The following EPHA6 variants were observed in gnomAD, a reference collection of about 807,000 sequenced individuals.
EPHA6 encodes the protein ephrin type-A receptor 6.
Under a neutral mutation model 112.0 loss-of-function variants are expected in EPHA6, and 50 were observed. The ratio of observed to expected loss-of-function variants is 0.45; its 90% CI spans 0.36 to 0.56. The LOEUF (loss-of-function observed/expected upper bound fraction) is 0.56. Among genes scored for constraint, EPHA6 ranks in the 20% least tolerant of loss-of-function variants. The pLI is 0.00. For missense variants in EPHA6, 1,280 were observed against 1,417.4 expected, an observed-to-expected ratio of 0.90 and a Z score of 1.56; for synonymous variants, 529 against 490.7, an observed-to-expected ratio of 1.08 and a Z score of -1.03.
intron 4 of EPHA6, among the ~76,000 whole-genome samples, chr3:97,240,772 A>C (rs1191186602): frequency 6.6e-6 from 1 of 151,820 alleles, no homozygotes; most frequent in Non-Finnish European, 1.5e-5. Flanking sequence ...TCTATGAACA[A>C]ATTTTTGGGA....
At chr3:97,066,655 A>G (rs1477667561) in intron 3 of EPHA6, among the ~76,000 whole-genome samples, 2 of 152,164 alleles carry the variant, frequency 1.3e-5, no homozygotes, top group Admixed American at 6.5e-5. Context: ...GTATTTTGCA[A>G]CAAGCAGCCT....
At chr3:97,691,108 T>G (rs906002789) in intron 14 of EPHA6, among the ~76,000 whole-genome samples, 3 of 152,370 alleles carry the variant, frequency 2.0e-5, no homozygotes, top group Admixed American at 6.5e-5. Flanking sequence ...TTTGAATTAA[T>G]TCTTGCATAT....
intron 3 of EPHA6, among the ~76,000 whole-genome samples, chr3:97,063,242 C>A (rs1206695659): frequency 6.6e-6 from 1 of 152,102 alleles, no homozygotes; most frequent in African/African-American, 2.4e-5. Context: ...TATAAAGATG[C>A]ATGCATGTGT....
At chr3:97,715,456 T>A (rs1248894607) in intron 14 of EPHA6, among the ~76,000 whole-genome samples, 2 of 152,332 alleles carry the variant, frequency 1.3e-5, no homozygotes, top group Admixed American at 1.3e-4. Flanking sequence ...TATATACTCA[T>A]TAATTGAGTA....
At chr3:97,613,099 C>G (rs1387536089) in intron 13 of EPHA6, among the ~76,000 whole-genome samples, 1 of 151,928 alleles carries the variant, frequency 6.6e-6, no homozygotes, top group African/African-American at 2.4e-5. Context: ...AAAATAGGGT[C>G]AATACTTCCA....
chr3:97,019,984 G>A lies in EPHA6; in HGVS notation c.1114+31991G>A, dbSNP rs150124537. Among the ~76,000 whole-genome samples the A allele has an allele frequency of 2.3e-3, 344 of 152,236 alleles. 3 individuals carry two copies. The highest frequency in any genetic ancestry group is 8.0e-3 in the African/African-American group (334 of 41,548). Reference sequence around the variant, plus strand: ...TGAAGTTTTTTCCACTAAAGCACAAGTGCTTTTCCAGATTCCTTGACTTTG... The same window carrying A: ...TGAAGTTTTTTCCACTAAAGCACAAATGCTTTTCCAGATTCCTTGACTTTG... On this transcript the variant is annotated intron_variant, in intron 3 of 17. Coordinates refer to ENST00000389672, the MANE Select transcript of EPHA6 (RefSeq NM_001080448.3).
chr3:97,376,217 C>A (rs2085342124), intron 5 of EPHA6, among the ~76,000 whole-genome samples: 1 of 152,120 alleles, frequency 6.6e-6, no homozygotes, highest in African/African-American at 2.4e-5. Context: ...TAATAATTCA[C>A]CCTAATAGTA....
At chr3:97,591,429 A>G (rs916561191) in intron 11 of EPHA6, among the ~76,000 whole-genome samples, 1 of 152,204 alleles carries the variant, frequency 6.6e-6, no homozygotes, top group Non-Finnish European at 1.5e-5. Context: ...CAAACACAGA[A>G]CTTGCTAAAT....
In EPHA6 at chr3:97,415,766, A is replaced by G. The variant is rs1485425749; in HGVS notation, c.1731+10492A>G. Among the ~76,000 whole-genome samples, 3 of 152,214 alleles carry G rather than the reference A, an allele frequency of 2.0e-5. No homozygotes were observed. In the East Asian group the frequency reaches 5.8e-4, roughly 29 times the overall value. ...TTGATAAATTAAATGATCAGTAACA[A>G]AATATCTGTAACACATTAAGCTCCC... is the stretch of plus-strand genomic sequence containing the variant. On this transcript the variant is annotated intron_variant, in intron 6 of 17. Coordinates refer to ENST00000389672, the MANE Select transcript of EPHA6 (RefSeq NM_001080448.3).
chr3:97,185,934 CCAT>C (rs1559782797), intron 3 of EPHA6, among the ~76,000 whole-genome samples: 1 of 151,752 alleles, frequency 6.6e-6, no homozygotes, highest in Non-Finnish European at 1.5e-5. Context: ...AAGCTGGAAA[CCAT>C]CATTCTGAGC....
At chr3:97,613,105 T>G (rs1405668284) in intron 13 of EPHA6, among the ~76,000 whole-genome samples, 1 of 152,062 alleles carries the variant, frequency 6.6e-6, no homozygotes, top group Non-Finnish European at 1.5e-5. Context: ...GGGTCAATAC[T>G]TCCATCTTAC....
intron 3 of EPHA6, among the ~76,000 whole-genome samples, chr3:97,167,546 T>C (rs1469214453): frequency 6.6e-6 from 1 of 152,176 alleles, no homozygotes; most frequent in Non-Finnish European, 1.5e-5. Context: ...AATTAGAGAA[T>C]TGACTTAGAC....
intron 3 of EPHA6, among the ~76,000 whole-genome samples, chr3:97,130,768 CTA>C (rs1559746917): frequency 6.6e-6 from 1 of 152,142 alleles, no homozygotes; most frequent in East Asian, 1.9e-4. Flanking sequence ...TCTAACAAGA[CTA>C]TGCCTATTCT....
rs888568154 is a variant in EPHA6 at position 97,759,570 on chromosome 3, C to T, written c.*10869C>T. The T allele has an allele frequency of 8.7e-6, 2 of 230,202 alleles. No individual in the cohort carries two copies. Among genetic ancestry groups the T allele is most frequent in the Non-Finnish European group, 1.7e-5 (2 of 116,254 alleles). 14.3% of individuals were successfully genotyped at this position (230,202 alleles called of 1,614,324 possible). ...AAGGCCTTGAGAGATAGAGGGGTTG[C>T]GATTTAAAGCATAAGTAGGGAGGTT... On this transcript the variant is annotated 3_prime_UTR_variant, in exon 18 of 18. Transcript: ENST00000389672.
intron 1 of EPHA6, among the ~76,000 whole-genome samples, chr3:96,824,454 C>G (rs959153558): frequency 2.0e-5 from 3 of 151,240 alleles, no homozygotes; most frequent in Non-Finnish European, 3.0e-5. Context: ...CATTTAGGTT[C>G]TTAATCTCAT....
intron 2 of EPHA6, among the ~76,000 whole-genome samples, chr3:96,933,691 T>A (rs1246086509): frequency 4.6e-5 from 7 of 152,148 alleles, no homozygotes; most frequent in African/African-American, 1.7e-4. Flanking sequence ...TGAGAGTTTC[T>A]TAGAAGAAGA....
intron 3 of EPHA6, among the ~76,000 whole-genome samples, chr3:97,037,433 TATC>T (rs2045142483): frequency 6.6e-6 from 1 of 152,020 alleles, no homozygotes; most frequent in Non-Finnish European, 1.5e-5. Context: ...GCAGAGAGAA[TATC>T]ATCATATGCA....
intron 3 of EPHA6, among the ~76,000 whole-genome samples, chr3:97,224,084 A>C (rs1415164138): frequency 6.6e-6 from 1 of 152,186 alleles, no homozygotes; most frequent in Non-Finnish European, 1.5e-5. Flanking sequence ...GGTTGATTTA[A>C]TGTTGAAATG....
chr3:96,841,775 T>C, intron 1 of EPHA6, among the ~76,000 whole-genome samples: 1 of 152,172 alleles, frequency 6.6e-6, no homozygotes. Context: ...AACAAAAGTA[T>C]ACATAAAAAT....
Sources: allele counts gnomAD v4.1 joint callset (sites outside exome capture counted in the v4.1 genomes callset), GRCh38; gene constraint gnomAD v4.1.1; transcripts MANE v1.5; gene names NCBI Gene and HGNC (gene_info 2026-07-23, HGNC 2026-07-21).